Variants in NAV2 observed in about 807,000 individuals in gnomAD.
The protein encoded by NAV2 is helicase, APC down-regulated 1.
Under a neutral mutation model 223.2 loss-of-function variants are expected in NAV2, and 54 were observed. The observed-to-expected ratio is 0.24, with a 90% CI of 0.19 to 0.30. The LOEUF is 0.30. Among genes scored for constraint, NAV2 ranks in the 10% least tolerant of loss-of-function variants. NAV2 has a pLI of 1.00. For synonymous variants in NAV2, 1,279 were observed against 1,239.3 expected, an observed-to-expected ratio of 1.03 and a Z score of -0.67; for missense variants, 2,806 against 3,147.5, an observed-to-expected ratio of 0.89 and a Z score of 2.60.
intron 1 of NAV2, among the ~76,000 whole-genome samples, chr11:19,640,283 G>A (rs1324645189): frequency 6.6e-6 from 1 of 152,184 alleles, no homozygotes; most frequent in Non-Finnish European, 1.5e-5. Context: ...GGTCAACCAA[G>A]TTGATGGGTA....
chr11:19,551,594 C>T (rs2044691688), intron 1 of NAV2, among the ~76,000 whole-genome samples: 2 of 152,230 alleles, frequency 1.3e-5, no homozygotes, highest in African/African-American at 2.4e-5. Flanking sequence ...ACTGGCAAAG[C>T]TGATGGAGGT....
chr11:19,713,932 C>A lies in NAV2; in HGVS notation c.237C>A (p.Ser79Arg), dbSNP rs751564747. ...GGGAGGGGCTCCCGCTGCGGAAGAG[C>A]GGCTCGGTGGAAAACGGGTTCGATA... Reference protein sequence around the residue: ...PAGEGLPLRKSGSVENGFDTQ... With the variant: ...PAGEGLPLRKRGSVENGFDTQ... Residue 79 changes from serine to arginine, a missense_variant, in exon 1 of 38, where the codon AGC (serine) becomes AGA (arginine). By Grantham distance (110) the Ser-to-Arg change is moderately radical. Transcript: ENST00000349880. This position sits in a 1 kb window ranked among gnomAD's most constrained non-coding sequence, Gnocchi z 7.2. The A allele has an allele frequency of 2.5e-6, 4 of 1,613,260 alleles. No homozygotes were observed. The highest frequency in any genetic ancestry group is 3.3e-5 in the Admixed American group (2 of 60,002).
At chr11:19,569,779 G>A (rs1235131815) in intron 1 of NAV2, among the ~76,000 whole-genome samples, 1 of 152,144 alleles carries the variant, frequency 6.6e-6, no homozygotes, top group Non-Finnish European at 1.5e-5. Context: ...GATGCTCCCT[G>A]GGGAGGGAGA....
At chr11:19,384,443 A>G (rs1848957831) in intron 1 of NAV2, among the ~76,000 whole-genome samples, 1 of 152,236 alleles carries the variant, frequency 6.6e-6, no homozygotes, top group Admixed American at 6.5e-5. Context: ...AGTGTGAGAA[A>G]CAAAGACAAA....
intron 26 of NAV2, among the ~76,000 whole-genome samples, chr11:20,087,527 T>A (rs1298914515): frequency 6.6e-6 from 1 of 152,144 alleles, no homozygotes; most frequent in Non-Finnish European, 1.5e-5. Context: ...AAAGGAATGG[T>A]AGTTGTGGTA....
chr11:19,919,266 A>T lies in NAV2; in HGVS notation c.932-13910A>T, dbSNP rs184672293. On this transcript the variant is annotated intron_variant, in intron 6 of 37. Coordinates refer to ENST00000349880, the MANE Select transcript of NAV2 (RefSeq NM_145117.5). ...ATTAAAACCTCCAAGCTGGTCTGTG[A>T]GTGAGCCTGGTTTCCGTGTTCTATC... 9.3e-5 allele frequency among the ~76,000 whole-genome samples: 14 copies of T among 151,014 alleles called. No individual in the cohort carries two copies. In the East Asian group the frequency reaches 2.7e-3, roughly 29 times the overall value.
At chr11:19,824,363 G>A (rs2059544193) in intron 1 of NAV2, among the ~76,000 whole-genome samples, 1 of 152,194 alleles carries the variant, frequency 6.6e-6, no homozygotes, top group Non-Finnish European at 1.5e-5. Flanking sequence ...AATGTCCCAA[G>A]TAATACATCA....
chr11:19,379,295 G>A (rs374403504), intron 1 of NAV2, among the ~76,000 whole-genome samples: 4 of 152,212 alleles, frequency 2.6e-5, no homozygotes, highest in South Asian at 4.1e-4. Flanking sequence ...GTAATAAGGT[G>A]GAAAAGTCAG....
At chr11:19,552,613 A>G (rs2044726327) in intron 1 of NAV2, among the ~76,000 whole-genome samples, 1 of 152,234 alleles carries the variant, frequency 6.6e-6, no homozygotes, top group Admixed American at 6.5e-5. Flanking sequence ...AACAACATTA[A>G]GCGGAACCAC....
chr11:19,557,972 T>C (rs570309521), intron 1 of NAV2, among the ~76,000 whole-genome samples: 3 of 152,218 alleles, frequency 2.0e-5, no homozygotes, highest in African/African-American at 4.8e-5. Context: ...GGGATGAACG[T>C]TGGGGAGGGA....
At chr11:20,094,320 C>T (rs1487829420) in intron 29 of NAV2, among the ~76,000 whole-genome samples, 1 of 149,278 alleles carries the variant, frequency 6.7e-6, no homozygotes, top group African/African-American at 2.5e-5. Context: ...ACCTCTGCCT[C>T]CCAGGTTCAA....
At chr11:19,633,764 C>T (rs920158962) in intron 1 of NAV2, among the ~76,000 whole-genome samples, 6 of 152,224 alleles carry the variant, frequency 3.9e-5, no homozygotes, top group Admixed American at 2.6e-4. Context: ...TGGGGCATGT[C>T]TGGCTTCGGC....
intron 1 of NAV2, among the ~76,000 whole-genome samples, chr11:19,467,042 G>GAGAT (rs1464088290): frequency 6.8e-6 from 1 of 146,318 alleles, no homozygotes; most frequent in African/African-American, 2.6e-5. Context: ...GAGAGAGAGA[G>GAGAT]AGATAGATAG....
intron 11 of NAV2, among the ~76,000 whole-genome samples, chr11:19,985,996 C>T (rs10833213): frequency 0.58 from 87,938 of 151,932 alleles, 26,524 homozygotes; most frequent in Middle Eastern, 0.71. Flanking sequence ...GACAATTTGC[C>T]AAATTATTTT....
intron 1 of NAV2, among the ~76,000 whole-genome samples, chr11:19,436,622 A>T (rs921833972): frequency 6.6e-6 from 1 of 152,086 alleles, no homozygotes; most frequent in Non-Finnish European, 1.5e-5. Flanking sequence ...GAAAAATGAC[A>T]TTGGAATTTT....
At chr11:19,370,304 C>T (rs572697933) in intron 1 of NAV2, among the ~76,000 whole-genome samples, 2 of 152,350 alleles carry the variant, frequency 1.3e-5, no homozygotes, top group African/African-American at 4.8e-5. Context: ...TCTTGCTGGA[C>T]AAGCCTTTAC....
At position 20,064,144 on chromosome 11, in the gene NAV2, G is replaced by A. The variant is rs77411165; in HGVS notation, c.4884+1785G>A. On this transcript the variant is annotated intron_variant, in intron 20 of 37. Coordinates refer to ENST00000349880, the MANE Select transcript of NAV2 (RefSeq NM_145117.5). ...AGCCATCATCTGCTAAGAAAGCATA[G>A]AGATGGTCTTTCAGCTGTCAGCCAG... 2.3e-3 allele frequency among the ~76,000 whole-genome samples: 343 copies of A among 152,274 alleles called. 1 individual carries two copies. The highest frequency in any genetic ancestry group is 7.8e-3 in the African/African-American group (324 of 41,540).
chr11:19,997,395 C>CA (rs759896418), intron 11 of NAV2, among the ~76,000 whole-genome samples: 41 of 152,264 alleles, frequency 2.7e-4, no homozygotes, highest in Non-Finnish European at 5.6e-4. Context: ...GCTCTGGGTA[C>CA]ACCAGAAACA....
At chr11:19,624,786 C>T (rs2047115159) in intron 1 of NAV2, among the ~76,000 whole-genome samples, 1 of 152,198 alleles carries the variant, frequency 6.6e-6, no homozygotes, top group Non-Finnish European at 1.5e-5. Context: ...TGACAAGCCC[C>T]AGTGAGATGA....
Sources: allele counts gnomAD v4.1 joint callset (sites outside exome capture counted in the v4.1 genomes callset), GRCh38; gene constraint gnomAD v4.1.1; non-coding constraint Gnocchi (gnomAD v3.1); transcripts MANE v1.5; gene names NCBI Gene and HGNC (gene_info 2026-07-23, HGNC 2026-07-21).